IGDCC3: variants seen among roughly 807,000 people sequenced by gnomAD.
IGDCC3 encodes putative neuronal cell adhesion molecule.
A neutral mutation model predicts 72.0 loss-of-function variants in IGDCC3; 47 were observed. The observed-to-expected ratio is 0.65, with a 90% confidence interval of 0.52 to 0.83. The LOEUF is 0.83. IGDCC3 is among the 40% of genes least tolerant of loss of function. IGDCC3 has a pLI of 0.00. For synonymous variants in IGDCC3, 477 were observed against 472.8 expected (o/e 1.01, Z -0.11); for missense variants, 1,038 against 1,091.3 (o/e 0.95, Z 0.69).
In IGDCC3 at chr15:65,377,638, T is replaced by C; in HGVS notation, c.103+48A>G. The C allele has an allele frequency of 2.2e-6, 3 of 1,381,452 alleles. No homozygotes were observed. Among genetic ancestry groups the C allele is most frequent in the South Asian group, 1.7e-5 (1 of 58,260 alleles). The allele number at this position is 1,381,452 out of a possible 1,614,324, so 85.6% of individuals were successfully genotyped here. On this transcript the variant is annotated intron_variant, in intron 1 of 13. Coordinates refer to ENST00000327987, the MANE Select transcript of IGDCC3 (RefSeq NM_004884.4). This position sits in a 1 kb window ranked among gnomAD's most constrained non-coding sequence, Gnocchi z 4.9. ...CGCCCGCTCCCTCCCTGCTCGCCCT[T>C]CCCCTGGCTCCGTCCGCAACCGCCC...
intron 2 of IGDCC3, among the ~76,000 whole-genome samples, chr15:65,370,618 G>GTATATATATATATATATATATATATA (rs779669712): frequency 5.3e-5 from 3 of 56,868 alleles, no homozygotes; most frequent in Non-Finnish European, 7.1e-5. Context: ...ATATATGTAT[G>GTATATATATATATATATATATATATA]TGTATATATA....
At chr15:65,370,586 ATG>A (rs1292743669) in intron 2 of IGDCC3, among the ~76,000 whole-genome samples, 2 of 123,224 alleles carry the variant, frequency 1.6e-5, no homozygotes, top group Non-Finnish European at 3.3e-5. Context: ...ATATATATGT[ATG>A]TATATATATG....
intron 2 of IGDCC3, among the ~76,000 whole-genome samples, chr15:65,366,686 C>T (rs1007680814): frequency 1.3e-5 from 2 of 152,170 alleles, no homozygotes; most frequent in African/African-American, 4.8e-5. Context: ...GTCCTGGCCC[C>T]CCACCGGCTT....
intron 2 of IGDCC3, among the ~76,000 whole-genome samples, chr15:65,351,309 GGCAGATCACAAGGTCA>G (rs1345067716): frequency 8.5e-5 from 13 of 152,312 alleles, no homozygotes; most frequent in Non-Finnish European, 1.5e-4. Flanking sequence ...GGCCAAGGTG[GGCAGATCACAAGGTCA>G]GGAGATCGAC....
intron 2 of IGDCC3, among the ~76,000 whole-genome samples, chr15:65,363,408 C>T (rs546031219): frequency 6.6e-6 from 1 of 152,198 alleles, no homozygotes; most frequent in African/African-American, 2.4e-5. Context: ...GGGCCGCCTG[C>T]TGGACCCCCA....
chr15:65,347,154 AG>A (rs1297949963), intron 2 of IGDCC3, among the ~76,000 whole-genome samples: 2 of 152,160 alleles, frequency 1.3e-5, no homozygotes, highest in Admixed American at 6.6e-5. Flanking sequence ...GTGTCTGGTT[AG>A]GGGGGCCCAG....
intron 2 of IGDCC3, among the ~76,000 whole-genome samples, chr15:65,341,440 A>G (rs536048539): frequency 7.9e-5 from 12 of 152,376 alleles, no homozygotes; most frequent in African/African-American, 2.6e-4. Context: ...CTATAGCAGC[A>G]TTATTCACAA....
rs983892738 is a variant in IGDCC3 at position 65,331,786 on chromosome 15, T to C, written c.1149-127A>G. ...GACTTGTGTGAGGTCTCCCAGCAAG[T>C]TGGTGGTGGAACTGGGACTCCACCT... On this transcript the variant is annotated intron_variant, in intron 7 of 13. Coordinates refer to ENST00000327987, the MANE Select transcript of IGDCC3 (RefSeq NM_004884.4). 18 of 1,392,378 alleles carry C rather than the reference T, an allele frequency of 1.3e-5. No individual in the cohort carries two copies. The African/African-American group carries it at 2.2e-4, about 17-fold the overall frequency. The allele number at this position is 1,392,378 out of a possible 1,614,324, so 86.3% of individuals were successfully genotyped here.
At chr15:65,333,625 C>G (rs1181205825) in intron 5 of IGDCC3, among the ~76,000 whole-genome samples, 1 of 152,188 alleles carries the variant, frequency 6.6e-6, no homozygotes, top group Admixed American at 6.5e-5. Context: ...GAGACCCTGT[C>G]CTGACCCTAG....
chr15:65,331,814 A>G, intron 7 of IGDCC3, 127 bp downstream of exon 7: 1 of 1,385,724 alleles, frequency 7.2e-7, no homozygotes, highest in Non-Finnish European at 9.8e-7. Context: ...CTCCACCTCA[A>G]TCTCCAGACT....
At chr15:65,337,979 G>A (rs1434448230) in intron 2 of IGDCC3, among the ~76,000 whole-genome samples, 1 of 152,210 alleles carries the variant, frequency 6.6e-6, no homozygotes, top group East Asian at 1.9e-4. Context: ...CCAGTGCTAG[G>A]AGCTGGCCTG....
intron 2 of IGDCC3, among the ~76,000 whole-genome samples, chr15:65,368,383 G>A (rs1292860290): frequency 1.3e-5 from 2 of 152,180 alleles, no homozygotes; most frequent in Admixed American, 1.3e-4. Context: ...CCCAGCCAAG[G>A]CGCCTGGCCG....
rs1360193288 is a variant in IGDCC3, at chr15:65,375,391, A to G, written c.115T>C (p.Ser39Pro). The change falls in exon 2 of 14, where the codon TCT becomes CCT. Residue 39 changes from serine to proline, a missense_variant. Ser to Pro is a moderately conservative substitution (Grantham distance 74). Coordinates refer to ENST00000327987, the MANE Select transcript of IGDCC3 (RefSeq NM_004884.4). ...LPAPSEGLGH[S>P]AELAFAVEPS... is the part of the protein sequence containing the mutation. ...TCCACAGCAAATGCCAGTTCAGCAG[A>G]GTGGCCAAGACCTGCATTGGGGAAG... is the stretch of plus-strand genomic sequence containing the variant. 1.9e-6 allele frequency: 3 copies of G among 1,600,092 alleles called. No homozygotes were observed. The highest frequency in any genetic ancestry group is 2.2e-5 in the South Asian group (2 of 90,420).
At chr15:65,361,734 A>T (rs1326904462) in intron 2 of IGDCC3, among the ~76,000 whole-genome samples, 1 of 152,018 alleles carries the variant, frequency 6.6e-6, no homozygotes, top group Non-Finnish European at 1.5e-5. Flanking sequence ...ACTCGGGCAC[A>T]CAGTTCGATG....
chr15:65,334,276 G>A (rs576882961), intron 5 of IGDCC3, among the ~76,000 whole-genome samples: 3 of 152,228 alleles, frequency 2.0e-5, no homozygotes, highest in Admixed American at 6.5e-5. Flanking sequence ...GGGGACTTAG[G>A]GGGCCAGGCT....
At chr15:65,334,470 A>C (rs1276774290) in intron 5 of IGDCC3, 2 of 447,354 alleles carry the variant, frequency 4.5e-6, no homozygotes, top group African/African-American at 4.1e-5. Flanking sequence ...TGAGGGGAGG[A>C]CTGCAGGGAC....
chr15:65,348,094 T>C (rs1004197273), intron 2 of IGDCC3, among the ~76,000 whole-genome samples: 13 of 152,156 alleles, frequency 8.5e-5, no homozygotes, highest in African/African-American at 3.1e-4. Context: ...CATGACAGTT[T>C]ACAAATGCCA....
In IGDCC3 at chr15:65,346,770, CT is replaced by C. The variant is rs1181183069; in HGVS notation, c.410-10815del. Among the ~76,000 whole-genome samples the C allele has an allele frequency of 4.6e-5, 7 of 152,270 alleles. No homozygotes were observed. The East Asian group carries it at 1.4e-3, about 29-fold the overall frequency. On this transcript the variant is annotated intron_variant, in intron 2 of 13. Transcript: ENST00000327987. ...CATCATGCCCGGCCGAGACTCAGCT[CT>C]TTTAACAGCTGGATATGTGATCTTG...
At chr15:65,366,221 A>C (rs557677196) in intron 2 of IGDCC3, among the ~76,000 whole-genome samples, 2 of 151,404 alleles carry the variant, frequency 1.3e-5, no homozygotes, top group African/African-American at 4.8e-5. Flanking sequence ...AAAAAAAAAA[A>C]AAAAAAAACT....
Sources: gnomAD v4.1 joint callset for allele counts (sites outside exome capture counted in the v4.1 genomes callset) on GRCh38, gnomAD v4.1.1 for gene constraint, Gnocchi (gnomAD v3.1) non-coding constraint, MANE v1.5 for transcripts, NCBI Gene and HGNC (gene_info 2026-07-23, HGNC 2026-07-21) for gene names.